GRIN2A: variants seen among roughly 807,000 people sequenced by gnomAD.
GRIN2A encodes the protein glutamate ionotropic receptor NMDA type subunit 2A.
Under a neutral mutation model 113.4 loss-of-function variants are expected in GRIN2A, and 22 were observed. The ratio of observed to expected loss-of-function variants is 0.19; its 90% CI spans 0.14 to 0.28. The LOEUF (loss-of-function observed/expected upper bound fraction) is 0.28, where lower values mean the gene tolerates loss of function less well. Among genes scored for constraint, GRIN2A ranks in the 10% least tolerant of loss-of-function variants. GRIN2A has a pLI of 1.00. For missense variants in GRIN2A, 1,502 were observed against 1,887.0 expected (o/e 0.80, Z 3.78); for synonymous variants, 827 against 738.4 (o/e 1.12, Z -1.94).
chr16:10,165,068 A>G (rs2049883764), intron 2 of GRIN2A, among the ~76,000 whole-genome samples: 2 of 152,230 alleles, frequency 1.3e-5, no homozygotes, highest in South Asian at 4.1e-4. Context: ...AATGGATTCT[A>G]TTAAAAGCCA....
chr16:10,135,397 C>T (rs2049171047), intron 2 of GRIN2A, among the ~76,000 whole-genome samples: 1 of 152,120 alleles, frequency 6.6e-6, no homozygotes, highest in Admixed American at 6.5e-5. Context: ...TTCTGAGTCC[C>T]CAGAAACAGA....
Position 9,849,923 on chromosome 16 carries a change from G to C in GRIN2A, c.1161C>G (p.His387Gln), listed in dbSNP as rs367543146. Residue 387 changes from histidine to glutamine, a missense_variant, in exon 5 of 13, where the codon CAC (histidine) becomes CAG (glutamine). Physicochemically the swap from His to Gln is conservative, Grantham distance 24. Coordinates refer to ENST00000330684, the MANE Select transcript of GRIN2A (RefSeq NM_001134407.3). ...AGGACTTGTACCTGGGCCACACGGC[G>C]TGCCTCAGGCTCAGCGTATGGTTCT... ...KWENHTLSLR[H>Q]AVWPRYKSFS... 2.5e-6 allele frequency: 4 copies of C among 1,614,028 alleles called. No homozygotes were observed. Among genetic ancestry groups the C allele is most frequent in the Non-Finnish European group, 3.4e-6 (4 of 1,179,944 alleles).
At chr16:9,863,701 T>G (rs551581643) in intron 4 of GRIN2A, among the ~76,000 whole-genome samples, 1 of 152,340 alleles carries the variant, frequency 6.6e-6, no homozygotes, top group South Asian at 2.1e-4. Context: ...CTCCCTTGCC[T>G]CTGTGGTCAT....
intron 3 of GRIN2A, among the ~76,000 whole-genome samples, chr16:9,909,360 C>A (rs2044089471): frequency 6.6e-6 from 1 of 152,142 alleles, no homozygotes; most frequent in Non-Finnish European, 1.5e-5. Flanking sequence ...GCTTCCCTAG[C>A]ACAACAGAAA....
intron 3 of GRIN2A, among the ~76,000 whole-genome samples, chr16:9,901,971 G>A (rs2043936915): frequency 6.6e-6 from 1 of 152,172 alleles, no homozygotes; most frequent in Admixed American, 6.5e-5. Flanking sequence ...TGGTGTGCCA[G>A]ATACTTTCCA....
intron 2 of GRIN2A, among the ~76,000 whole-genome samples, chr16:10,012,441 T>G (rs1596414962): frequency 1.3e-5 from 2 of 152,208 alleles, no homozygotes; most frequent in Non-Finnish European, 2.9e-5. Context: ...ACCAGCCCTT[T>G]AACTCAAGAA....
intron 2 of GRIN2A, among the ~76,000 whole-genome samples, chr16:10,010,098 C>T (rs1460979112): frequency 2.0e-5 from 3 of 152,244 alleles, no homozygotes; most frequent in South Asian, 4.1e-4. Context: ...GCTTTCTACT[C>T]CCTAGTACTG....
intron 2 of GRIN2A, among the ~76,000 whole-genome samples, chr16:10,155,486 T>A (rs1204428993): frequency 2.0e-5 from 3 of 152,206 alleles, no homozygotes. Context: ...AGTTAAATAG[T>A]GGACATCCCT....
intron 2 of GRIN2A, among the ~76,000 whole-genome samples, chr16:10,069,541 C>T (rs1286086528): frequency 3.3e-5 from 5 of 152,218 alleles, no homozygotes; most frequent in African/African-American, 1.2e-4. Context: ...TGCAGTCAAC[C>T]CAGGCAGTGC....
At chr16:10,036,441 T>TA (rs2047028545) in intron 2 of GRIN2A, among the ~76,000 whole-genome samples, 2 of 68,272 alleles carry the variant, frequency 2.9e-5, no homozygotes, top group Non-Finnish European at 2.7e-5. Context: ...TACTTACTTT[T>TA]TTTTTTTCTT....
At chr16:10,072,516 C>T (rs11643092) in intron 2 of GRIN2A, among the ~76,000 whole-genome samples, 95,152 of 152,042 alleles carry the variant, frequency 0.63, 31,559 homozygotes, top group East Asian at 0.95. Context: ...CTGCACTGTG[C>T]CCTAGGATGG....
intron 11 of GRIN2A, among the ~76,000 whole-genome samples, chr16:9,778,884 C>T (rs947252264): frequency 6.6e-6 from 1 of 152,158 alleles, no homozygotes; most frequent in Non-Finnish European, 1.5e-5. Context: ...ACCCAGTCTG[C>T]GGTAGTTCCT....
intron 4 of GRIN2A, among the ~76,000 whole-genome samples, chr16:9,877,428 C>A (rs1169611503): frequency 6.6e-6 from 1 of 152,148 alleles, no homozygotes; most frequent in Non-Finnish European, 1.5e-5. Flanking sequence ...TCAGATGAAG[C>A]TTTGCCATCT....
chr16:10,000,723 C>T (rs968479745), intron 2 of GRIN2A, among the ~76,000 whole-genome samples: 5 of 152,154 alleles, frequency 3.3e-5, no homozygotes, highest in African/African-American at 7.2e-5. Flanking sequence ...TTGGACAGCA[C>T]CTTGTAAATA....
At chr16:10,067,318 G>GT (rs2047668548) in intron 2 of GRIN2A, among the ~76,000 whole-genome samples, 1 of 152,128 alleles carries the variant, frequency 6.6e-6, no homozygotes, top group Admixed American at 6.5e-5. Flanking sequence ...AGGAGGCTAG[G>GT]TTTTTCCAAC....
intron 2 of GRIN2A, among the ~76,000 whole-genome samples, chr16:9,999,652 A>G (rs1596403649): frequency 6.6e-6 from 1 of 152,238 alleles, no homozygotes; most frequent in East Asian, 1.9e-4. Flanking sequence ...TGACAGGTTG[A>G]TGAGCGCAGC....
intron 8 of GRIN2A, among the ~76,000 whole-genome samples, chr16:9,831,822 C>T (rs192921840): frequency 6.6e-6 from 1 of 152,108 alleles, no homozygotes; most frequent in Non-Finnish European, 1.5e-5. Flanking sequence ...GGCCTCCCTC[C>T]ATTGTATTTT....
chr16:9,848,702 ACT>A (rs1313288137), intron 5 of GRIN2A, among the ~76,000 whole-genome samples: 2 of 72,526 alleles, frequency 2.8e-5, no homozygotes, highest in East Asian at 2.4e-4. Flanking sequence ...TATAAAATAC[ACT>A]GTTTTATAAT....
At chr16:9,974,300 T>C (rs1342116106) in intron 2 of GRIN2A, among the ~76,000 whole-genome samples, 2 of 152,174 alleles carry the variant, frequency 1.3e-5, no homozygotes, top group African/African-American at 4.8e-5. Context: ...GGCCTGGGCC[T>C]GCCTGACCTA....
Sources: allele counts gnomAD v4.1 joint callset (sites outside exome capture counted in the v4.1 genomes callset), GRCh38; gene constraint gnomAD v4.1.1; transcripts MANE v1.5; gene names NCBI Gene and HGNC (gene_info 2026-07-23, HGNC 2026-07-21).